Variants in CARF observed in about 807,000 individuals in gnomAD.
The protein encoded by CARF is calcium-responsive transcription factor.
A neutral mutation model predicts 82.0 loss-of-function variants in CARF; 57 were observed. The observed-to-expected ratio is 0.70, with a 90% CI of 0.56 to 0.87. The LOEUF (loss-of-function observed/expected upper bound fraction) is 0.87. Among genes scored for constraint, CARF ranks in the 40% least tolerant of loss-of-function variants. The pLI is 0.00. For missense variants in CARF, 771 were observed against 855.8 expected (o/e 0.90, Z 1.24); for synonymous variants, 268 against 290.1 (o/e 0.92, Z 0.77).
At chr2:202,930,455 A>G (rs992468814) in intron 3 of CARF, among the ~76,000 whole-genome samples, 62 of 152,138 alleles carry the variant, frequency 4.1e-4, no homozygotes, top group African/African-American at 1.4e-3. Flanking sequence ...ATTTCAAATG[A>G]CCTATGTCCA....
rs1431544786 is a variant in CARF at position 202,986,885 on chromosome 2, T to TATATACATATATATATATATAC, written c.*3266_*3267insCATATATATATATATACATATA. The TATATACATATATATATATATAC allele has an allele frequency of 1.1e-5, 1 of 94,346 alleles. No homozygotes were observed. The highest frequency in any genetic ancestry group is 1.1e-4 in the Admixed American group (1 of 8,996). 5.8% of individuals were successfully genotyped at this position (94,346 alleles called of 1,614,324 possible). Reference sequence around the variant, plus strand: ...GTCTGTGCGTATATATATATATATATATATATATATATATATATATATAGC... The same window carrying TATATACATATATATATATATAC: ...GTCTGTGCGTATATATATATATATATATATACATATATATATATATACATATATATATATATATATATATAGC... On this transcript the variant is annotated 3_prime_UTR_variant, in exon 17 of 17. Coordinates refer to ENST00000438828, the MANE Select transcript of CARF (RefSeq NM_024744.17).
intron 3 of CARF, among the ~76,000 whole-genome samples, chr2:202,936,698 A>G (rs1337397322): frequency 2.0e-5 from 3 of 152,170 alleles, no homozygotes; most frequent in Non-Finnish European, 2.9e-5. Flanking sequence ...AGTTCTTTAC[A>G]TATTCCAGAC....
At chr2:202,955,858 T>C in intron 8 of CARF, 100 bp downstream of exon 8, 1 of 697,318 alleles carries the variant, frequency 1.4e-6, no homozygotes, top group Non-Finnish European at 2.3e-6. Flanking sequence ...AGTCTATAGT[T>C]ACAGTATTTT....
chr2:202,953,746 CTT>C (rs969294289), intron 6 of CARF, among the ~76,000 whole-genome samples: 38 of 152,048 alleles, frequency 2.5e-4, no homozygotes, highest in African/African-American at 8.4e-4. Context: ...TTGCAGAACT[CTT>C]AATATACAAT....
intron 14 of CARF, among the ~76,000 whole-genome samples, chr2:202,980,616 GTATATATATATATATA>G (rs34656288): frequency 0.026 from 1,094 of 42,660 alleles, 73 homozygotes; most frequent in Middle Eastern, 0.06. Flanking sequence ...CGTCTTTCAA[GTATATATATATATATA>G]TATATATATA....
At chr2:202,980,309 A>G (rs2060196078) in intron 14 of CARF, among the ~76,000 whole-genome samples, 1 of 152,136 alleles carries the variant, frequency 6.6e-6, no homozygotes. Flanking sequence ...GGGTTAACGT[A>G]TAAGAATTAC....
intron 1 of CARF, among the ~76,000 whole-genome samples, chr2:202,914,080 G>A (rs1230395664): frequency 6.6e-6 from 1 of 151,978 alleles, no homozygotes; most frequent in Admixed American, 6.6e-5. Flanking sequence ...GTTTGGTGTT[G>A]CCTCCAAACA....
At chr2:202,949,944 C>T (rs2058683770) in intron 5 of CARF, among the ~76,000 whole-genome samples, 1 of 152,112 alleles carries the variant, frequency 6.6e-6, no homozygotes, top group African/African-American at 2.4e-5. Flanking sequence ...CTGAATTGGT[C>T]TTTTGAATTT....
chr2:202,951,389 C>A (rs1371323642), intron 5 of CARF, among the ~76,000 whole-genome samples: 2 of 152,104 alleles, frequency 1.3e-5, no homozygotes, highest in Admixed American at 1.3e-4. Flanking sequence ...GCAATATTTT[C>A]ATGTTTTACC....
At chr2:202,953,024 CT>C (rs907541061) in intron 6 of CARF, among the ~76,000 whole-genome samples, 11 of 150,962 alleles carry the variant, frequency 7.3e-5, no homozygotes, top group African/African-American at 2.4e-4. Context: ...TTATTTATAT[CT>C]TTTTTTTTGG....
intron 13 of CARF, among the ~76,000 whole-genome samples, chr2:202,974,782 C>A (rs1472487324): frequency 1.3e-5 from 2 of 151,904 alleles, no homozygotes; most frequent in Non-Finnish European, 2.9e-5. Flanking sequence ...GCCTGTAATC[C>A]CAGCTACTTG....
At chr2:202,931,264 T>C (rs114393235) in intron 3 of CARF, among the ~76,000 whole-genome samples, 1 of 152,124 alleles carries the variant, frequency 6.6e-6, no homozygotes, top group Non-Finnish European at 1.5e-5. Context: ...GAGCCACTGC[T>C]CCCGGCCATG....
intron 5 of CARF, among the ~76,000 whole-genome samples, chr2:202,948,671 GC>G (rs2058616518): frequency 6.6e-6 from 1 of 152,186 alleles, no homozygotes; most frequent in Non-Finnish European, 1.5e-5. Flanking sequence ...ATATTGGAAT[GC>G]TAGTGATTTT....
At chr2:202,954,377 T>G (rs1365406847) in intron 7 of CARF, among the ~76,000 whole-genome samples, 2 of 152,104 alleles carry the variant, frequency 1.3e-5, no homozygotes, top group African/African-American at 4.8e-5. Flanking sequence ...TATGAAAATT[T>G]TATTAGTTTA....
At chr2:202,963,068 C>G (rs2059390668) in intron 9 of CARF, 1 of 152,200 alleles carries the variant, frequency 6.6e-6, no homozygotes, top group African/African-American at 2.4e-5. Context: ...CCTGTAATCC[C>G]AGCACTTTGG....
chr2:202,951,832 T>C (rs769980032), intron 5 of CARF, among the ~76,000 whole-genome samples: 3 of 151,086 alleles, frequency 2.0e-5, no homozygotes, highest in Non-Finnish European at 4.4e-5. Context: ...ATTTATCAAG[T>C]TACCTTTTTT....
At chr2:202,937,318 C>T (rs921988598) in intron 3 of CARF, among the ~76,000 whole-genome samples, 1 of 151,976 alleles carries the variant, frequency 6.6e-6, no homozygotes, top group Non-Finnish European at 1.5e-5. Flanking sequence ...CCTTAAAACA[C>T]ACATACAAAA....
At chr2:202,958,249 A>ATGTGTGTGTGTGTGTGTG (rs71034206) in intron 8 of CARF, among the ~76,000 whole-genome samples, 9,447 of 139,920 alleles carry the variant, frequency 0.068, 490 homozygotes, top group South Asian at 0.11. Flanking sequence ...ATATACATAT[A>ATGTGTGTGTGTGTGTGTG]TGTGTGTGTG....
At chr2:202,972,621 G>A (rs1310903173) in intron 12 of CARF, among the ~76,000 whole-genome samples, 3 of 146,746 alleles carry the variant, frequency 2.0e-5, no homozygotes, top group Non-Finnish European at 3.0e-5. Context: ...AGGTTGCAGT[G>A]AGCCGAGATC....
Sources: gnomAD v4.1 joint callset for allele counts (sites outside exome capture counted in the v4.1 genomes callset) on GRCh38, gnomAD v4.1.1 for gene constraint, MANE v1.5 for transcripts, NCBI Gene and HGNC (gene_info 2026-07-23, HGNC 2026-07-21) for gene names.